HPCAL4: variants seen among roughly 807,000 people sequenced by gnomAD.
HPCAL4 encodes hippocalcin like 4.
In HPCAL4, 16 loss-of-function variants were observed where a neutral mutation model predicts 18.2. That is an observed-to-expected ratio of 0.88 (90% confidence interval 0.59 to 1.33). The LOEUF (loss-of-function observed/expected upper bound fraction) is 1.33, where lower values mean the gene tolerates loss of function less well. Ranked by LOEUF, HPCAL4 falls within the 40% of genes most tolerant of loss-of-function variation. The pLI, the probability that HPCAL4 is intolerant of heterozygous loss-of-function variation, is 0.00. For missense variants in HPCAL4, 214 were observed against 256.6 expected (o/e 0.83, Z 1.14); for synonymous variants, 80 against 97.5 (o/e 0.82, Z 1.06).
In HPCAL4 at chr1:39,689,194, TC is replaced by T; in HGVS notation, c.-9+2111del. ...GTGCTTTTCCCTATGCACTCACTTC[TC>T]CCAGTGAGTGCTTAGTCCTCACTGA... On this transcript the variant is annotated intron_variant, in intron 1 of 3. Coordinates refer to ENST00000372844, the MANE Select transcript of HPCAL4 (RefSeq NM_016257.4). Among the ~76,000 whole-genome samples the T allele has an allele frequency of 2.6e-5, 4 of 152,250 alleles. No individual in the cohort carries two copies. In the Middle Eastern group the frequency reaches 0.01, roughly 388 times the overall value.
intron 3 of HPCAL4, 66 bp from the exon 4 acceptor site, chr1:39,682,799 GA>G (rs1389226817): frequency 1.5e-6 from 2 of 1,294,546 alleles, no homozygotes; most frequent in East Asian, 4.6e-5. Flanking sequence ...GCGGGTGAAG[GA>G]AAGGGATCTG....
chr1:39,683,476 A>G (rs1646644573), intron 3 of HPCAL4, among the ~76,000 whole-genome samples: 1 of 152,168 alleles, frequency 6.6e-6, no homozygotes, highest in Non-Finnish European at 1.5e-5. Flanking sequence ...CATCTTATAT[A>G]AAGTAACTTC....
intron 1 of HPCAL4, among the ~76,000 whole-genome samples, chr1:39,686,444 C>T (rs1343285935): frequency 6.6e-6 from 1 of 152,152 alleles, no homozygotes; most frequent in Non-Finnish European, 1.5e-5. Flanking sequence ...GCCTGCTACA[C>T]GGTTCAGGTG....
At position 39,684,099 on chromosome 1, in the gene HPCAL4, G is replaced by A; in HGVS notation, c.216C>T (p.Phe72=). 6.2e-7 allele frequency: 1 copy of A among 1,613,930 alleles called. No homozygotes were observed. Residue 72 remains phenylalanine, a synonymous_variant, in exon 3 of 4, where the codon TTC becomes TTT. Transcript: ENST00000372844. ...SKFAQHAFRT[F]DKNGDGTIDF... Reference sequence around the variant, plus strand: ...CGATGGTGCCGTCGCCGTTCTTGTCGAAGGTGCGGAAAGCGTGCTGCGCGA... The same window carrying A: ...CGATGGTGCCGTCGCCGTTCTTGTCAAAGGTGCGGAAAGCGTGCTGCGCGA...
intron 1 of HPCAL4, among the ~76,000 whole-genome samples, 186 bp from the exon 2 acceptor site, chr1:39,684,797 G>A (rs939911215): frequency 1.3e-5 from 2 of 152,138 alleles, no homozygotes; most frequent in Non-Finnish European, 2.9e-5. Flanking sequence ...TCCTAGCCCC[G>A]GGGGTCTCCC....
Position 39,683,254 on chromosome 1 carries a change from G to A in HPCAL4, c.379-521C>T, listed in dbSNP as rs1238007759. On this transcript the variant is annotated intron_variant, in intron 3 of 3. Coordinates refer to ENST00000372844, the MANE Select transcript of HPCAL4 (RefSeq NM_016257.4). ...AACATGCCAGAAGCCCAACTCCGTG[G>A]AGACCTTACTGATGGGGCTCCTGGC... 2.0e-5 allele frequency among the ~76,000 whole-genome samples: 3 copies of A among 152,222 alleles called. No homozygotes were observed. The East Asian group carries it at 5.8e-4, about 29-fold the overall frequency.
intron 1 of HPCAL4, among the ~76,000 whole-genome samples, chr1:39,686,053 C>T (rs1362458635): frequency 2.0e-5 from 3 of 151,546 alleles, no homozygotes; most frequent in East Asian, 3.9e-4. Flanking sequence ...TGGTGGCGGG[C>T]GCCAGTAGTC....
At position 39,682,335 on chromosome 1, in the gene HPCAL4, AC is replaced by A. The variant is rs762367849; in HGVS notation, c.*200del. 1.4e-4 allele frequency: 80 copies of A among 585,192 alleles called. No homozygotes were observed. Among genetic ancestry groups the A allele is most frequent in the Non-Finnish European group, 2.1e-4 (69 of 327,632 alleles). The allele number at this position is 585,192 out of a possible 1,614,324, so 36.2% of individuals were successfully genotyped here. A position where few individuals can be genotyped will look rare whatever the true frequency, so the allele number is the denominator to read the frequency against. On this transcript the variant is annotated 3_prime_UTR_variant, in exon 4 of 4. Coordinates refer to ENST00000372844, the MANE Select transcript of HPCAL4 (RefSeq NM_016257.4). ...GGGAGGTGGGGCTAGAAGACAGGGT[AC>A]TGGAGGACCTGTCTCTTTTGCAGGG... is the stretch of plus-strand genomic sequence containing the variant.
chr1:39,679,442 G>T lies in HPCAL4; in HGVS notation c.*3094C>A, dbSNP rs1391012401. ...TAAGAAATAAGATGCTCATCAATTA[G>T]CCCAAAAGGATGAATGAGGGTAGAG... On this transcript the variant is annotated 3_prime_UTR_variant, in exon 4 of 4. Transcript: ENST00000372844. The T allele has an allele frequency of 6.6e-6, 1 of 152,218 alleles. No individual in the cohort carries two copies. The highest frequency in any genetic ancestry group is 1.5e-5 in the Non-Finnish European group (1 of 68,036). The allele number at this position is 152,218 out of a possible 1,614,324, so 9.4% of individuals were successfully genotyped here.
rs1290984640 is a variant in HPCAL4 at position 39,680,438 on chromosome 1, G to A, written c.*2098C>T. ...GAAATTCTGTGTGGTTGCGAATTAG[G>A]CTAGATTCAGCATTTGCAGGGAAGG... On this transcript the variant is annotated 3_prime_UTR_variant, in exon 4 of 4. Coordinates refer to ENST00000372844, the MANE Select transcript of HPCAL4 (RefSeq NM_016257.4). 6.6e-6 allele frequency: 1 copy of A among 152,176 alleles called. No individual in the cohort carries two copies. The highest frequency in any genetic ancestry group is 2.4e-5 in the African/African-American group (1 of 41,408). The allele number at this position is 152,176 out of a possible 1,614,324, so 9.4% of individuals were successfully genotyped here. A position where few individuals can be genotyped will look rare whatever the true frequency, so the allele number is the denominator to read the frequency against.
In HPCAL4 at chr1:39,682,232, G is replaced by T; in HGVS notation, c.*304C>A. ...AGAGAATTCCTAACCAGAACCCCAG[G>T]CCCCCAACTCCTTAACCTCACCTCC... On this transcript the variant is annotated 3_prime_UTR_variant, in exon 4 of 4. Coordinates refer to ENST00000372844, the MANE Select transcript of HPCAL4 (RefSeq NM_016257.4). 1 of 373,090 alleles carries T rather than the reference G, an allele frequency of 2.7e-6. No individual in the cohort carries two copies. Among genetic ancestry groups the T allele is most frequent in the Non-Finnish European group, 5.0e-6 (1 of 199,774 alleles). 23.1% of individuals were successfully genotyped at this position (373,090 alleles called of 1,614,324 possible). A position where few individuals can be genotyped will look rare whatever the true frequency, so the allele number is the denominator to read the frequency against.
chr1:39,690,385 C>T (rs1242492626), intron 1 of HPCAL4, among the ~76,000 whole-genome samples: 1 of 152,212 alleles, frequency 6.6e-6, no homozygotes, highest in Non-Finnish European at 1.5e-5. Context: ...GTATAGTTCA[C>T]TTTAGGGCCA....
In HPCAL4 at chr1:39,680,746, C is replaced by A. The variant is rs529135620; in HGVS notation, c.*1790G>T. Reference sequence around the variant, plus strand: ...GCAAACCAGTGGTTGCTATCCCCAGCAAGAGGATAGCAACCCAGTGGCCTT... The same window carrying A: ...GCAAACCAGTGGTTGCTATCCCCAGAAAGAGGATAGCAACCCAGTGGCCTT... On this transcript the variant is annotated 3_prime_UTR_variant, in exon 4 of 4. Coordinates refer to ENST00000372844, the MANE Select transcript of HPCAL4 (RefSeq NM_016257.4). The A allele has an allele frequency of 2.3e-4, 35 of 152,294 alleles. No homozygotes were observed. The highest frequency in any genetic ancestry group is 8.4e-4 in the African/African-American group (35 of 41,548). The allele number at this position is 152,294 out of a possible 1,614,324, so 9.4% of individuals were successfully genotyped here.
intron 1 of HPCAL4, among the ~76,000 whole-genome samples, chr1:39,689,356 T>C (rs1646700989): frequency 6.6e-6 from 1 of 152,128 alleles, no homozygotes. Flanking sequence ...TGATGTTCAA[T>C]GAATGTCTCT....
At chr1:39,686,775 T>C (rs1646679183) in intron 1 of HPCAL4, among the ~76,000 whole-genome samples, 1 of 151,602 alleles carries the variant, frequency 6.6e-6, no homozygotes, top group Non-Finnish European at 1.5e-5. Flanking sequence ...CTCTCTGACC[T>C]CCCTGGGAGG....
rs1347076645 is a variant in HPCAL4, at chr1:39,680,860, T to C, written c.*1676A>G. On this transcript the variant is annotated 3_prime_UTR_variant, in exon 4 of 4. Transcript: ENST00000372844. ...TTCACCTGCAGAGAAGCAGGACAGG[T>C]GGGCACTCAGGAGTGAGGAGCATGC... The C allele has an allele frequency of 6.6e-6, 1 of 152,558 alleles. No individual in the cohort carries two copies. Among genetic ancestry groups the C allele is most frequent in the African/African-American group, 2.4e-5 (1 of 41,428 alleles). The allele number at this position is 152,558 out of a possible 1,614,324, so 9.5% of individuals were successfully genotyped here. A position where few individuals can be genotyped will look rare whatever the true frequency, so the allele number is the denominator to read the frequency against.
At chr1:39,684,635 G>A (rs769676673) in intron 1 of HPCAL4, 24 bp from the exon 2 acceptor site, 13 of 1,543,736 alleles carry the variant, frequency 8.4e-6, no homozygotes, top group Non-Finnish European at 1.1e-5. Context: ...GGATTCCTCC[G>A]ACTGGGTCCA....
intron 1 of HPCAL4, among the ~76,000 whole-genome samples, chr1:39,685,653 G>A (rs1271790815): frequency 6.6e-6 from 1 of 152,154 alleles, no homozygotes; most frequent in African/African-American, 2.4e-5. Context: ...GCCAAGGTGG[G>A]TGGATCACGA....
chr1:39,688,815 T>A (rs535993979), intron 1 of HPCAL4, among the ~76,000 whole-genome samples: 10 of 152,332 alleles, frequency 6.6e-5, no homozygotes, highest in Admixed American at 5.9e-4. Context: ...TCTTCTCTCC[T>A]GGACTATAAT....
Sources: allele counts gnomAD v4.1 joint callset (sites outside exome capture counted in the v4.1 genomes callset), GRCh38; gene constraint gnomAD v4.1.1; transcripts MANE v1.5; gene names NCBI Gene and HGNC (gene_info 2026-07-23, HGNC 2026-07-21).